The following CLEC16A variants were observed in gnomAD, a reference collection of about 807,000 sequenced individuals.
CLEC16A encodes protein CLEC16A.
CLEC16A carries 51 observed loss-of-function variants against 109.5 expected under a neutral mutation model. That is an observed-to-expected ratio of 0.47 (90% CI 0.37 to 0.59). CLEC16A has a LOEUF of 0.59. Among genes scored for constraint, CLEC16A ranks in the 20% least tolerant of loss-of-function variants. The pLI is 0.00. For missense variants in CLEC16A, 1,339 were observed against 1,394.0 expected, an observed-to-expected ratio of 0.96 and a Z score of 0.63; for synonymous variants, 673 against 564.2, an observed-to-expected ratio of 1.19 and a Z score of -2.73.
Position 10,982,893 on chromosome 16 carries a change from C to G in CLEC16A, c.973C>G (p.His325Asp). The stretch of plus-strand genomic sequence containing the variant: ...TTTCCGCCAGGTCTTCTTAATTATA[C>G]ATCATGCACCGCTGGTGAACTCGTT... ...YLLSQVFLII[H>D]HAPLVNSLAE... is the part of the protein sequence containing the mutation. The change falls in exon 10 of 24, where the codon CAT becomes GAT. Residue 325 changes from histidine (H) to aspartate (D), a missense_variant. Physicochemically the swap from His to Asp is moderately conservative, Grantham distance 81. Around this residue, in one of 3 missense-constraint regions of CLEC16A, gnomAD observed 1,061 missense variants for 1,006.8 expected, o/e 1.05. Coordinates refer to ENST00000409790, the MANE Select transcript of CLEC16A (RefSeq NM_015226.3). The G allele has an allele frequency of 6.3e-7, 1 of 1,599,512 alleles. No individual in the cohort carries two copies. The highest frequency in any genetic ancestry group is 8.6e-7 in the Non-Finnish European group (1 of 1,167,612).
intron 11 of CLEC16A, among the ~76,000 whole-genome samples, chr16:11,005,844 A>G (rs1238473032): frequency 6.6e-6 from 1 of 151,926 alleles, no homozygotes; most frequent in African/African-American, 2.4e-5. Context: ...GCGAGATCTG[A>G]CTCGCAGTCA....
intron 23 of CLEC16A, among the ~76,000 whole-genome samples, chr16:11,168,505 G>C (rs1423098935): frequency 6.6e-6 from 1 of 152,248 alleles, no homozygotes; most frequent in African/African-American, 2.4e-5. Flanking sequence ...CAGCCTGCCT[G>C]TCTGGCTCTG....
chr16:11,136,869 G>T (rs1224924411), intron 22 of CLEC16A, among the ~76,000 whole-genome samples: 3 of 152,230 alleles, frequency 2.0e-5, no homozygotes, highest in African/African-American at 7.2e-5. Flanking sequence ...GTCCCCCGGA[G>T]CCTCACAACA....
At chr16:11,156,917 G>A (rs1050503371) in intron 22 of CLEC16A, among the ~76,000 whole-genome samples, 1 of 77,302 alleles carries the variant, frequency 1.3e-5, no homozygotes, top group Non-Finnish European at 2.7e-5. Flanking sequence ...CCAAATGCCC[G>A]CCCCCCCCCC....
intron 19 of CLEC16A, among the ~76,000 whole-genome samples, chr16:11,078,584 G>A (rs1434802691): frequency 6.6e-6 from 1 of 152,192 alleles, no homozygotes; most frequent in Non-Finnish European, 1.5e-5. Flanking sequence ...CACCCTCACA[G>A]ATCCCTCATG....
At chr16:11,088,157 C>G (rs767103727) in intron 19 of CLEC16A, among the ~76,000 whole-genome samples, 2 of 152,242 alleles carry the variant, frequency 1.3e-5, no homozygotes, top group Non-Finnish European at 2.9e-5. Flanking sequence ...TTGCCCTGTG[C>G]CAGGTGCTTG....
intron 22 of CLEC16A, among the ~76,000 whole-genome samples, chr16:11,151,164 G>A (rs114247880): frequency 0.015 from 2,261 of 152,276 alleles, 57 homozygotes; most frequent in East Asian, 0.11. Flanking sequence ...TACTTAATCC[G>A]CTTATACTGG....
intron 11 of CLEC16A, among the ~76,000 whole-genome samples, chr16:11,019,942 T>C (rs1456054935): frequency 6.6e-6 from 1 of 152,172 alleles, no homozygotes; most frequent in African/African-American, 2.4e-5. Context: ...AATAAATGAT[T>C]GCAATTTGTG....
At chr16:11,111,309 C>G (rs1006709061) in intron 19 of CLEC16A, among the ~76,000 whole-genome samples, 1 of 152,110 alleles carries the variant, frequency 6.6e-6, no homozygotes, top group African/African-American at 2.4e-5. Context: ...CATCAGCTGG[C>G]GTGTATAGAC....
chr16:11,032,446 T>A (rs1167983919), intron 13 of CLEC16A, among the ~76,000 whole-genome samples: 1 of 152,238 alleles, frequency 6.6e-6, no homozygotes, highest in African/African-American at 2.4e-5. Flanking sequence ...AGAGGCTTTC[T>A]TATCATTCAG....
intron 18 of CLEC16A, among the ~76,000 whole-genome samples, chr16:11,055,154 TC>T (rs1198652333): frequency 1.3e-5 from 2 of 152,212 alleles, no homozygotes; most frequent in Admixed American, 6.5e-5. Context: ...TGAGCACACA[TC>T]CCTGCCTTCT....
chr16:10,969,348 C>A, intron 4 of CLEC16A, 39 bp downstream of exon 4: 2 of 1,456,778 alleles, frequency 1.4e-6, no homozygotes, highest in Admixed American at 2.9e-5. Flanking sequence ...GGTGTAAAGC[C>A]ACACGTGGCT....
chr16:11,029,263 G>GC (rs998252149), intron 13 of CLEC16A, among the ~76,000 whole-genome samples: 5 of 152,050 alleles, frequency 3.3e-5, no homozygotes, highest in South Asian at 2.1e-4. Context: ...CTCCACACTG[G>GC]CCCCCCCAGT....
Position 10,989,718 on chromosome 16 carries a change from C to G in CLEC16A, c.1071+6727C>G, listed in dbSNP as rs568186135. Reference sequence around the variant, plus strand: ...CAGATGAATCTCTGGACACCTGTCACTTCTAGTAGCAGGACTCTCTGCCCA... The same window carrying G: ...CAGATGAATCTCTGGACACCTGTCAGTTCTAGTAGCAGGACTCTCTGCCCA... On this transcript the variant is annotated intron_variant, in intron 10 of 23. Transcript: ENST00000409790. Among the ~76,000 whole-genome samples the G allele has an allele frequency of 1.2e-4, 18 of 152,264 alleles. 1 individual carries two copies. The South Asian group carries it at 3.7e-3, about 32-fold the overall frequency.
chr16:11,120,831 C>T, intron 20 of CLEC16A, 65 bp downstream of exon 20: 2 of 1,206,540 alleles, frequency 1.7e-6, no homozygotes, highest in East Asian at 2.8e-5. Flanking sequence ...CACACACACA[C>T]ACACACACCA....
intron 23 of CLEC16A, among the ~76,000 whole-genome samples, chr16:11,166,851 C>T (rs1456045128): frequency 6.6e-6 from 1 of 152,222 alleles, no homozygotes; most frequent in Non-Finnish European, 1.5e-5. Context: ...ACCCTATCAT[C>T]ACCTCCACAG....
At chr16:11,039,066 G>C (rs559519265) in intron 13 of CLEC16A, among the ~76,000 whole-genome samples, 1 of 152,224 alleles carries the variant, frequency 6.6e-6, no homozygotes, top group African/African-American at 2.4e-5. Context: ...CTCAAGCGTA[G>C]AAGGTGCGTA....
At chr16:11,045,445 T>A (rs886478305) in intron 16 of CLEC16A, among the ~76,000 whole-genome samples, 1 of 152,166 alleles carries the variant, frequency 6.6e-6, no homozygotes, top group African/African-American at 2.4e-5. Context: ...CACTTTCTCA[T>A]AGATGGCACC....
intron 13 of CLEC16A, among the ~76,000 whole-genome samples, 176 bp from the exon 14 acceptor site, chr16:11,039,578 A>G (rs7196492): frequency 0.017 from 2,555 of 152,228 alleles, 79 homozygotes; most frequent in African/African-American, 0.058. Context: ...CCTGGGAAAC[A>G]TGACAAAATC....
Sources: gnomAD v4.1 joint callset for allele counts (sites outside exome capture counted in the v4.1 genomes callset) on GRCh38, gnomAD v4.1.1 for gene constraint, gnomAD v4.1.1 regional missense constraint, MANE v1.5 for transcripts, NCBI Gene and HGNC (gene_info 2026-07-23, HGNC 2026-07-21) for gene names.